Variants in ARHGAP42 observed in about 807,000 individuals in gnomAD.
ARHGAP42 encodes the protein Rho GTPase activating protein 42.
In ARHGAP42, 63 loss-of-function variants were observed where a neutral mutation model predicts 125.0. That is an observed-to-expected ratio of 0.50 (90% CI 0.41 to 0.62). The LOEUF is 0.62. Ranked by LOEUF, ARHGAP42 falls within the 20% of genes least tolerant of loss-of-function variation. ARHGAP42 has a pLI of 0.00. For synonymous variants in ARHGAP42, 339 were observed against 351.0 expected (o/e 0.97, Z 0.38); for missense variants, 766 against 1,024.2 (o/e 0.75, Z 3.44).
intron 22 of ARHGAP42, among the ~76,000 whole-genome samples, chr11:100,980,223 T>G (rs531994415): frequency 6.6e-6 from 1 of 152,290 alleles, no homozygotes; most frequent in African/African-American, 2.4e-5. Context: ...TATCTTCCTT[T>G]TGACCGAAGC....
chr11:100,746,536 A>G (rs1359802640), intron 1 of ARHGAP42, among the ~76,000 whole-genome samples: 1 of 152,218 alleles, frequency 6.6e-6, no homozygotes, highest in Non-Finnish European at 1.5e-5. Flanking sequence ...CATTTTAACC[A>G]AGCATTTACA....
In ARHGAP42 at chr11:100,822,685, T is replaced by C. The variant is rs563944455; in HGVS notation, c.312+27519T>C. Reference sequence around the variant, plus strand: ...ATTCTATCATTATAGAATGCTTTGCTCCATGCCTGTGTGGACTGTGTGGTC... The same window carrying C: ...ATTCTATCATTATAGAATGCTTTGCCCCATGCCTGTGTGGACTGTGTGGTC... On this transcript the variant is annotated intron_variant, in intron 3 of 23. Transcript: ENST00000298815. 2.0e-4 allele frequency among the ~76,000 whole-genome samples: 31 copies of C among 152,274 alleles called. No individual in the cohort carries two copies. The South Asian group carries it at 2.7e-3, about 13-fold the overall frequency.
intron 3 of ARHGAP42, among the ~76,000 whole-genome samples, chr11:100,810,024 C>T (rs1864097551): frequency 6.6e-6 from 1 of 151,790 alleles, no homozygotes; most frequent in South Asian, 2.1e-4. Context: ...ATATGATTTT[C>T]CACATAGAAA....
chr11:100,891,861 G>C (rs1293873712), intron 4 of ARHGAP42, among the ~76,000 whole-genome samples: 1 of 152,184 alleles, frequency 6.6e-6, no homozygotes, highest in Non-Finnish European at 1.5e-5. Flanking sequence ...AAGGGCACTT[G>C]ATCTAATGTG....
chr11:100,972,771 A>G (rs746048354), intron 17 of ARHGAP42, among the ~76,000 whole-genome samples: 35 of 152,200 alleles, frequency 2.3e-4, no homozygotes, highest in Non-Finnish European at 4.9e-4. Flanking sequence ...AATAATATGT[A>G]GGAAAATTCC....
In ARHGAP42 at chr11:100,926,601, T is replaced by C. The variant is rs189520443; in HGVS notation, c.597+4997T>C. Among the ~76,000 whole-genome samples, 495 of 152,338 alleles carry C rather than the reference T, an allele frequency of 3.2e-3. 3 individuals carry two copies. Among genetic ancestry groups the C allele is most frequent in the African/African-American group, 0.011 (461 of 41,582 alleles). On this transcript the variant is annotated intron_variant, in intron 6 of 23. Transcript: ENST00000298815. The stretch of plus-strand genomic sequence containing the variant: ...AATTTGGCTCCACATCTTACAGCTG[T>C]GCAAATATGGCACACTTTACAAATG...
At chr11:100,816,180 T>A (rs1864261422) in intron 3 of ARHGAP42, among the ~76,000 whole-genome samples, 1 of 152,196 alleles carries the variant, frequency 6.6e-6, no homozygotes, top group South Asian at 2.1e-4. Flanking sequence ...AGTAGTATTG[T>A]TGGATCATAT....
intron 3 of ARHGAP42, among the ~76,000 whole-genome samples, chr11:100,796,983 G>T (rs1863732346): frequency 2.0e-5 from 3 of 152,058 alleles, no homozygotes; most frequent in Admixed American, 6.6e-5. Flanking sequence ...TGGTCAGGCT[G>T]GTCTTGAACT....
intron 1 of ARHGAP42, among the ~76,000 whole-genome samples, chr11:100,727,796 A>G (rs1861887081): frequency 6.6e-6 from 1 of 152,154 alleles, no homozygotes; most frequent in Admixed American, 6.5e-5. Flanking sequence ...TAGTACATAC[A>G]TTGCTTTCCT....
At chr11:100,689,832 T>C (rs1396067156) in intron 1 of ARHGAP42, among the ~76,000 whole-genome samples, 2 of 152,132 alleles carry the variant, frequency 1.3e-5, no homozygotes, top group African/African-American at 2.4e-5. Context: ...AGCTGCCAAA[T>C]GGGAGGGATT....
At chr11:100,936,464 C>A in intron 8 of ARHGAP42, 132 bp downstream of exon 8, 1 of 1,228,272 alleles carries the variant, frequency 8.1e-7, no homozygotes. Flanking sequence ...TTTCCCCCCA[C>A]CACAACCAAA....
At chr11:100,762,430 G>T (rs1391738535) in intron 1 of ARHGAP42, among the ~76,000 whole-genome samples, 2 of 152,122 alleles carry the variant, frequency 1.3e-5, no homozygotes, top group African/African-American at 4.8e-5. Context: ...TTGCTTCATG[G>T]CAGTGTTTCT....
At chr11:100,826,836 A>T (rs746726304) in intron 3 of ARHGAP42, among the ~76,000 whole-genome samples, 10 of 152,072 alleles carry the variant, frequency 6.6e-5, no homozygotes, top group Non-Finnish European at 1.2e-4. Context: ...TTGGTTTTCT[A>T]TACAGAAGGG....
rs1437126831 is a variant in ARHGAP42, at chr11:100,943,713, A to G, written c.934-46A>G. 78 of 1,300,526 alleles carry G rather than the reference A, an allele frequency of 6.0e-5. 1 individual carries two copies. The highest frequency in any genetic ancestry group is 1.8e-4 in the Middle Eastern group (1 of 5,454). 80.6% of individuals were successfully genotyped at this position (1,300,526 alleles called of 1,614,324 possible). On this transcript the variant is annotated intron_variant, in intron 9 of 23. Transcript: ENST00000298815. ...GAGCTCACATATTTAATATATTTCA[A>G]TTCACTTGTCAGCATGTTAATACTG... is the stretch of plus-strand genomic sequence containing the variant.
intron 4 of ARHGAP42, among the ~76,000 whole-genome samples, chr11:100,886,773 G>T (rs1273037718): frequency 1.3e-5 from 2 of 152,196 alleles, no homozygotes; most frequent in Admixed American, 1.3e-4. Context: ...ATGTTTGCAA[G>T]ATTCCAATAG....
chr11:100,978,879 G>A, intron 21 of ARHGAP42, 108 bp from the exon 22 acceptor site: 1 of 1,103,288 alleles, frequency 9.1e-7, no homozygotes, highest in Non-Finnish European at 1.3e-6. Flanking sequence ...TTTTGGCAAT[G>A]GTTCTCAACC....
Position 100,976,845 on chromosome 11 carries a change from G to A in ARHGAP42, c.2267G>A (p.Ser756Asn), listed in dbSNP as rs1591335415. Residue 756 changes from serine (S) to asparagine (N), a missense_variant, in exon 21 of 24, where the codon AGC (serine) becomes AAC (asparagine). Transcript: ENST00000298815. ...AAGAGCTACAGTGGATCTATTCAAA[G>A]CTTAACTTCTGTAGGTTCCAAGGAG... ...GNKSYSGSIQ[S>N]LTSVGSKETP... 6.4e-7 allele frequency: 1 copy of A among 1,551,044 alleles called. No individual in the cohort carries two copies. Among genetic ancestry groups the A allele is most frequent in the South Asian group, 1.2e-5 (1 of 84,032 alleles).
At chr11:100,910,363 G>A (rs528965999) in intron 4 of ARHGAP42, among the ~76,000 whole-genome samples, 3 of 151,968 alleles carry the variant, frequency 2.0e-5, no homozygotes, top group African/African-American at 4.8e-5. Context: ...TTTTTCCATC[G>A]AGATTATTAT....
At chr11:100,981,825 A>C (rs1472351267) in intron 22 of ARHGAP42, among the ~76,000 whole-genome samples, 3 of 152,206 alleles carry the variant, frequency 2.0e-5, no homozygotes, top group Non-Finnish European at 4.4e-5. Context: ...ATTGGGAATC[A>C]GAGACAGGAA....
Sources: allele counts gnomAD v4.1 joint callset (sites outside exome capture counted in the v4.1 genomes callset), GRCh38; gene constraint gnomAD v4.1.1; transcripts MANE v1.5; gene names NCBI Gene and HGNC (gene_info 2026-07-23, HGNC 2026-07-21).